Variants in ZNF777 observed in about 807,000 individuals in gnomAD.
ZNF777 encodes zinc finger protein 777.
ZNF777 carries 7 observed loss-of-function variants against 72.1 expected under a neutral mutation model. That is an observed-to-expected ratio of 0.10 (90% CI 0.06 to 0.18). The LOEUF is 0.18. ZNF777 is among the 10% of genes least tolerant of loss of function. The pLI is 1.00. For missense variants in ZNF777, 828 were observed against 1,128.6 expected (o/e 0.73, Z 3.82); for synonymous variants, 545 against 483.5 (o/e 1.13, Z -1.67).
chr7:149,431,405 T>A lies in ZNF777; in HGVS notation c.*371A>T, dbSNP rs144291384. 5.0e-6 allele frequency: 2 copies of A among 402,348 alleles called. No individual in the cohort carries two copies. Among genetic ancestry groups the A allele is most frequent in the Non-Finnish European group, 9.6e-6 (2 of 207,706 alleles). 24.9% of individuals were successfully genotyped at this position (402,348 alleles called of 1,614,324 possible). A position where few individuals can be genotyped will look rare whatever the true frequency, so the allele number is the denominator to read the frequency against. ...CTATTATTATCAAATAGAACCACAG[T>A]ATCCAAAAGGTAATTATAAAGTTCT... On this transcript the variant is annotated 3_prime_UTR_variant, in exon 6 of 6. Transcript: ENST00000247930.
chr7:149,432,234 C>T lies in ZNF777; in HGVS notation c.2038G>A (p.Val680Met). The T allele has an allele frequency of 6.2e-7, 1 of 1,604,474 alleles. No individual in the cohort carries two copies. Among genetic ancestry groups the T allele is most frequent in the Non-Finnish European group, 8.5e-7 (1 of 1,178,734 alleles). Residue 680 changes from valine (V) to methionine (M), a missense_variant, in exon 6 of 6, where the codon GTG (valine) becomes ATG (methionine). By Grantham distance (21) the Val-to-Met change is conservative. Transcript: ENST00000247930. ...KKSFRLHISL[V>M]IHQRVHAGKH... ...CCCGCGTGCACGCGCTGATGGATCA[C>T]CAAGCTGATGTGCAGGCGGAAGCTC...
intron 1 of ZNF777, chr7:149,459,852 C>T: frequency 1.0e-6 from 1 of 984,506 alleles, no homozygotes; most frequent in Non-Finnish European, 1.2e-6. Context: ...AGCGAGCGCG[C>T]CTCCGGGCGC....
In ZNF777 at chr7:149,432,894, C is replaced by T. The variant is rs1799346555; in HGVS notation, c.1378G>A (p.Glu460Lys). ...VIKTEEQDEE[E>K]EEEEEDELPQ... Reference sequence around the variant, plus strand: ...AGCTCATCCTCCTCCTCCTCTTCTTCCTCCTCGTCTTGTTCCTCTGTCTTG... The same window carrying T: ...AGCTCATCCTCCTCCTCCTCTTCTTTCTCCTCGTCTTGTTCCTCTGTCTTG... The change falls in exon 6 of 6, where the codon GAA (glutamate) becomes AAA (lysine). Residue 460 changes from glutamate to lysine, a missense_variant. Glu to Lys is a moderately conservative substitution (Grantham distance 56). This residue lies in a region of ZNF777 where 219 missense variants were observed against 223.0 expected (regional missense o/e 0.98). Transcript: ENST00000247930. 1.3e-6 allele frequency: 2 copies of T among 1,527,998 alleles called. No homozygotes were observed. Among genetic ancestry groups the T allele is most frequent in the Non-Finnish European group, 1.8e-6 (2 of 1,138,894 alleles). 94.7% of individuals were successfully genotyped at this position (1,527,998 alleles called of 1,614,324 possible).
At chr7:149,453,587 C>T (rs948705925) in intron 3 of ZNF777, among the ~76,000 whole-genome samples, 2 of 152,106 alleles carry the variant, frequency 1.3e-5, no homozygotes, top group African/African-American at 4.8e-5. Flanking sequence ...AGCATTTAAC[C>T]TCCCTGATCA....
chr7:149,432,715 G>C lies in ZNF777; in HGVS notation c.1557C>G (p.Ser519=), dbSNP rs974614808. ...CGCTCAGGTGCCGCTCACCGTGCACGGAGGGCGCCAGCCTTTTCACTGCGG... is the reference window on the plus strand; with the variant it reads ...CGCTCAGGTGCCGCTCACCGTGCACCGAGGGCGCCAGCCTTTTCACTGCGG... ...GNPAVKRLAP[S]VHGERHLSEN... is the part of the protein sequence containing the mutation. The change falls in exon 6 of 6, where the codon TCC becomes TCG. Residue 519 remains serine, a synonymous_variant. Coordinates refer to ENST00000247930, the MANE Select transcript of ZNF777 (RefSeq NM_015694.3). The C allele has an allele frequency of 1.9e-6, 3 of 1,612,134 alleles. No individual in the cohort carries two copies. The highest frequency in any genetic ancestry group is 3.3e-5 in the Admixed American group (2 of 59,900).
At position 149,455,836 on chromosome 7, in the gene ZNF777, G is replaced by C; in HGVS notation, c.187C>G (p.Pro63Ala). 1.2e-6 allele frequency: 2 copies of C among 1,613,988 alleles called. No homozygotes were observed. Residue 63 changes from proline (P) to alanine (A), a missense_variant, in exon 2 of 6, where the codon CCC becomes GCC. Pro to Ala is a conservative substitution (Grantham distance 27, BLOSUM62 -1). This residue lies in a region of ZNF777 where 222 missense variants were observed against 211.2 expected (regional missense o/e 1.05). Transcript: ENST00000247930. This position sits in a 1 kb window ranked among gnomAD's most constrained non-coding sequence, Gnocchi z 4.2. The stretch of plus-strand genomic sequence containing the variant: ...ATCCGGCCAGAAGTCTCTTGCTTGG[G>C]AGCACTGGAAGTTTGGGGCAGGGAG... ...QGSLPQTSSAPKQETSGRMPH... is the reference protein window; with the variant it reads ...QGSLPQTSSAAKQETSGRMPH...
chr7:149,431,736 G>A lies in ZNF777; in HGVS notation c.*40C>T. The A allele has an allele frequency of 7.5e-7, 1 of 1,338,152 alleles. No homozygotes were observed. Among genetic ancestry groups the A allele is most frequent in the Non-Finnish European group, 9.5e-7 (1 of 1,049,506 alleles). The allele number at this position is 1,338,152 out of a possible 1,614,324, so 82.9% of individuals were successfully genotyped here. A position where few individuals can be genotyped will look rare whatever the true frequency, so the allele number is the denominator to read the frequency against. Reference sequence around the variant, plus strand: ...CTGGCGGTGTCCGAGGGGGGGCACGGCCCGCGCACCTGGCCGGGCGGCGGC... The same window carrying A: ...CTGGCGGTGTCCGAGGGGGGGCACGACCCGCGCACCTGGCCGGGCGGCGGC... On this transcript the variant is annotated 3_prime_UTR_variant, in exon 6 of 6. Coordinates refer to ENST00000247930, the MANE Select transcript of ZNF777 (RefSeq NM_015694.3).
intron 3 of ZNF777, among the ~76,000 whole-genome samples, chr7:149,451,642 A>G (rs1799718848): frequency 6.6e-6 from 1 of 152,102 alleles, no homozygotes; most frequent in Admixed American, 6.5e-5. Context: ...CAGTGAGCCA[A>G]GATCACACAC....
Position 149,436,980 on chromosome 7 carries a change from CAGAATTTT to C in ZNF777, c.1088-162_1088-155del, listed in dbSNP as rs1799423053. On this transcript the variant is annotated intron_variant, in intron 4 of 5. Transcript: ENST00000247930. The surrounding 1 kb of genome is among the most constrained non-coding windows in gnomAD (Gnocchi z 5.0). The stretch of plus-strand genomic sequence containing the variant: ...ATATTGAGTTGGAAATGAGTAGACA[CAGAATTTT>C]CTGGACACCTTGTAGCTTTGAATAC... Among the ~76,000 whole-genome samples the C allele has an allele frequency of 6.6e-6, 1 of 152,138 alleles. No homozygotes were observed. Among genetic ancestry groups the C allele is most frequent in the Admixed American group, 6.5e-5 (1 of 15,272 alleles).
rs1563231674 is a variant in ZNF777 at position 149,431,566 on chromosome 7, T to C, written c.*210A>G. The C allele has an allele frequency of 8.1e-6, 4 of 495,690 alleles. No individual in the cohort carries two copies. The highest frequency in any genetic ancestry group is 3.2e-5 in the South Asian group (2 of 62,880). 30.7% of individuals were successfully genotyped at this position (495,690 alleles called of 1,614,324 possible). On this transcript the variant is annotated 3_prime_UTR_variant, in exon 6 of 6. Transcript: ENST00000247930. The stretch of plus-strand genomic sequence containing the variant: ...GAAAGGGTTCCCCAGGTCCGCGCCC[T>C]CCCCCCTGGGGCCCCCGGGGAAACG...
rs375396751 is a variant in ZNF777 at position 149,451,826 on chromosome 7, A to G, written c.974-714T>C. Among the ~76,000 whole-genome samples, 8 of 152,368 alleles carry G rather than the reference A, an allele frequency of 5.3e-5. No homozygotes were observed. In the South Asian group the frequency reaches 1.0e-3, roughly 20 times the overall value. ...AAAGATGAAGAAACTTGGAGGAAAT[A>G]TTATACATATATATACATGTTTGAC... On this transcript the variant is annotated intron_variant, in intron 3 of 5. Coordinates refer to ENST00000247930, the MANE Select transcript of ZNF777 (RefSeq NM_015694.3).
At position 149,448,705 on chromosome 7, in the gene ZNF777, C is replaced by T. The variant is rs1328974597; in HGVS notation, c.1087+2294G>A. On this transcript the variant is annotated intron_variant, in intron 4 of 5. Transcript: ENST00000247930. ...AACCCTCTGAGTGGCAATGTCTGAG[C>T]ACACAGATTTCAGCCATGCCTTCTG... 2.7e-5 allele frequency among the ~76,000 whole-genome samples: 4 copies of T among 150,686 alleles called. No homozygotes were observed. In the East Asian group the frequency reaches 7.8e-4, roughly 29 times the overall value.
chr7:149,452,125 CACG>C (rs1799729740), intron 3 of ZNF777, among the ~76,000 whole-genome samples: 1 of 151,500 alleles, frequency 6.6e-6, no homozygotes, highest in Non-Finnish European at 1.5e-5. Context: ...ATTAGCTGGG[CACG>C]GTGGTGGGCA....
Position 149,431,976 on chromosome 7 carries a change from G to A in ZNF777, c.2296C>T (p.Leu766=). The A allele has an allele frequency of 1.9e-6, 3 of 1,611,204 alleles. No individual in the cohort carries two copies. The highest frequency in any genetic ancestry group is 2.5e-6 in the Non-Finnish European group (3 of 1,179,542). Reference sequence around the variant, plus strand: ...CCTGTGTGGATGCGCCGGTGTTCCAGGAGGTGGTGCTTGCGGATGAAGCTC... The same window carrying A: ...CCTGTGTGGATGCGCCGGTGTTCCAAGAGGTGGTGCTTGCGGATGAAGCTC... ...GKSFIRKHHL[L]EHRRIHTGER... Residue 766 remains leucine (L), a synonymous_variant, in exon 6 of 6, where the codon CTG becomes TTG. Coordinates refer to ENST00000247930, the MANE Select transcript of ZNF777 (RefSeq NM_015694.3).
chr7:149,443,892 C>A lies in ZNF777; in HGVS notation c.1088-7066G>T, dbSNP rs1585694595. Among the ~76,000 whole-genome samples, 2 of 152,346 alleles carry A rather than the reference C, an allele frequency of 1.3e-5. 1 individual carries two copies. The highest frequency in any genetic ancestry group is 4.1e-4 in the South Asian group (2 of 4,828). ...AGAGGCGCGAGCCACCACACCCGGC[C>A]CAAAACTTATTTTTTAAAAAGTTCT... On this transcript the variant is annotated intron_variant, in intron 4 of 5. Coordinates refer to ENST00000247930, the MANE Select transcript of ZNF777 (RefSeq NM_015694.3).
chr7:149,446,195 T>C (rs1799599675), intron 4 of ZNF777, among the ~76,000 whole-genome samples: 1 of 152,138 alleles, frequency 6.6e-6, no homozygotes, highest in African/African-American at 2.4e-5. Flanking sequence ...CTGACCAACA[T>C]GGATAAACCC....
At chr7:149,448,485 C>CTATATATATATATATA (rs61005836) in intron 4 of ZNF777, among the ~76,000 whole-genome samples, 47 of 104,620 alleles carry the variant, frequency 4.5e-4, no homozygotes, top group African/African-American at 1.3e-3. Flanking sequence ...CAAAACAAAA[C>CTATATATATATATATA]TATATATATA....
At position 149,455,552 on chromosome 7, in the gene ZNF777, G is replaced by A; in HGVS notation, c.471C>T (p.Ser157=). ...PETDMDPLLQ[S]PVSQKDTPFQ... is the part of the protein sequence containing the mutation. ...AAGGGGTGTCCTTTTGGGAAACCGGGCTCTGGAGCAGCGGGTCCATGTCAG... is the reference window on the plus strand; with the variant it reads ...AAGGGGTGTCCTTTTGGGAAACCGGACTCTGGAGCAGCGGGTCCATGTCAG... The change falls in exon 2 of 6, where the codon AGC becomes AGT. Residue 157 remains serine (S), a synonymous_variant. Coordinates refer to ENST00000247930, the MANE Select transcript of ZNF777 (RefSeq NM_015694.3). This position sits in a 1 kb window ranked among gnomAD's most constrained non-coding sequence, Gnocchi z 4.2. 2 of 1,613,822 alleles carry A rather than the reference G, an allele frequency of 1.2e-6. No homozygotes were observed. The highest frequency in any genetic ancestry group is 1.7e-6 in the Non-Finnish European group (2 of 1,179,978).
At position 149,460,124 on chromosome 7, in the gene ZNF777, G is replaced by A. The variant is rs1314384686; in HGVS notation, c.-16+691C>T. 3.1e-6 allele frequency: 3 copies of A among 981,440 alleles called. No homozygotes were observed. The highest frequency in any genetic ancestry group is 1.1e-4 in the East Asian group (1 of 8,728). 60.8% of individuals were successfully genotyped at this position (981,440 alleles called of 1,614,324 possible). A position where few individuals can be genotyped will look rare whatever the true frequency, so the allele number is the denominator to read the frequency against. ...CGTGCGCGCGCGGGCCGCCCTCACA[G>A]GAGCCGGGGCCGCCTCGGCCATGGC... On this transcript the variant is annotated intron_variant, in intron 1 of 5. Transcript: ENST00000247930. This position sits in a 1 kb window ranked among gnomAD's most constrained non-coding sequence, Gnocchi z 6.1.
Sources: allele counts gnomAD v4.1 joint callset (sites outside exome capture counted in the v4.1 genomes callset), GRCh38; gene constraint gnomAD v4.1.1; regional missense constraint gnomAD v4.1.1; non-coding constraint Gnocchi (gnomAD v3.1); transcripts MANE v1.5; gene names NCBI Gene and HGNC (gene_info 2026-07-23, HGNC 2026-07-21).